The following COX10 variants were observed in gnomAD, a reference collection of about 807,000 sequenced individuals.
The protein encoded by COX10 is protoheme IX farnesyltransferase, mitochondrial.
A neutral mutation model predicts 37.3 loss-of-function variants in COX10; 27 were observed. That is an observed-to-expected ratio of 0.72 (90% CI 0.53 to 1.00). The LOEUF is 1.00. COX10 is among the 50% of genes least tolerant of loss of function. The probability of loss-of-function intolerance (pLI) is 0.00; values close to 1 mark genes in which losing one functional copy is unlikely to be tolerated. For synonymous variants in COX10, 222 were observed against 229.1 expected, an observed-to-expected ratio of 0.97 and a Z score of 0.28; for missense variants, 475 against 563.2, an observed-to-expected ratio of 0.84 and a Z score of 1.59.
In COX10 at chr17:14,077,333, T is replaced by G. The variant is rs2072278; in HGVS notation, c.499+277T>G. 0.071 allele frequency: 28,603 copies of G among 400,690 alleles called. 1,217 individuals carry two copies. Among genetic ancestry groups the G allele is most frequent in the East Asian group, 0.13 (2,342 of 18,460 alleles). The allele number at this position is 400,690 out of a possible 1,614,324, so 24.8% of individuals were successfully genotyped here. A position where few individuals can be genotyped will look rare whatever the true frequency, so the allele number is the denominator to read the frequency against. ...TGTTTATCCTGCTTATTTCCTTGTCTTTAGTGTTTTTACACCTGCTGTAAA... is the reference window on the plus strand; with the variant it reads ...TGTTTATCCTGCTTATTTCCTTGTCGTTAGTGTTTTTACACCTGCTGTAAA... On this transcript the variant is annotated intron_variant, in intron 3 of 6. Transcript: ENST00000261643.
chr17:14,139,333 A>G (rs1904474575), intron 4 of COX10, among the ~76,000 whole-genome samples: 1 of 152,128 alleles, frequency 6.6e-6, no homozygotes, highest in African/African-American at 2.4e-5. Flanking sequence ...AGGCTAACAC[A>G]TTAATTAACG....
At chr17:14,166,612 C>CT (rs71147845) in intron 5 of COX10, among the ~76,000 whole-genome samples, 6,837 of 96,546 alleles carry the variant, frequency 0.071, 370 homozygotes, top group Middle Eastern at 0.087. Flanking sequence ...TCAATTCGAC[C>CT]TTTTTTTTTT....
intron 4 of COX10, among the ~76,000 whole-genome samples, chr17:14,120,254 A>T (rs1255423248): frequency 1.3e-5 from 2 of 152,168 alleles, no homozygotes; most frequent in African/African-American, 2.4e-5. Context: ...AAGTGGATAG[A>T]TGGATATGTA....
chr17:14,204,619 C>T (rs1388131912), intron 6 of COX10, among the ~76,000 whole-genome samples: 2 of 152,048 alleles, frequency 1.3e-5, no homozygotes, highest in Non-Finnish European at 2.9e-5. Context: ...CTGATTGGTC[C>T]TTCCATACCT....
chr17:14,076,765 C>T lies in COX10; in HGVS notation c.208C>T (p.Gln70Ter). 6.2e-7 allele frequency: 1 copy of T among 1,614,148 alleles called. No homozygotes were observed. Among genetic ancestry groups the T allele is most frequent in the Non-Finnish European group, 8.5e-7 (1 of 1,180,024 alleles). The change falls in exon 3 of 7, where the codon CAG (glutamine) becomes TAG (stop). Residue 70 changes from glutamine to a stop codon, truncating the protein, a stop_gained. Transcript: ENST00000261643. LOFTEE classifies it high-confidence loss of function. ...YVTQLNRSHN[Q>*]QVRPKPEPVA... ...CACACAGCTGAACAGAAGCCACAAC[C>T]AGCAAGTAAGACCCAAGCCAGAACC...
intron 5 of COX10, among the ~76,000 whole-genome samples, chr17:14,181,819 G>C (rs1219664844): frequency 6.6e-6 from 1 of 152,086 alleles, no homozygotes; most frequent in Non-Finnish European, 1.5e-5. Flanking sequence ...TGGAAACTCT[G>C]ATTTTCATAG....
intron 4 of COX10, among the ~76,000 whole-genome samples, chr17:14,155,911 C>T (rs143534766): frequency 0.012 from 1,841 of 152,080 alleles, 13 homozygotes; most frequent in Middle Eastern, 0.044. Context: ...CTGTCAAAAT[C>T]ATCCTCCAAG....
chr17:14,091,463 G>A (rs575355588), intron 3 of COX10, among the ~76,000 whole-genome samples: 1 of 152,264 alleles, frequency 6.6e-6, no homozygotes, highest in East Asian at 1.9e-4. Flanking sequence ...AAGCTCTTTT[G>A]AATGCTTAGA....
chr17:14,097,407 A>G (rs9896677), intron 3 of COX10, among the ~76,000 whole-genome samples: 27,572 of 151,844 alleles, frequency 0.18, 2,562 homozygotes, highest in East Asian at 0.21. Context: ...ACCATTTACA[A>G]TTTGTACATT....
intron 4 of COX10, among the ~76,000 whole-genome samples, chr17:14,123,989 C>G (rs1916281612): frequency 6.6e-6 from 1 of 152,094 alleles, no homozygotes; most frequent in Admixed American, 6.6e-5. Flanking sequence ...ACTAGGCTTG[C>G]CTTTTGTTAC....
chr17:14,143,377 A>G (rs533656053), intron 4 of COX10, among the ~76,000 whole-genome samples: 1 of 152,314 alleles, frequency 6.6e-6, no homozygotes, highest in African/African-American at 2.4e-5. Flanking sequence ...TTTAAACATG[A>G]AGATTTTTAA....
At chr17:14,150,445 G>A (rs1347165292) in intron 4 of COX10, among the ~76,000 whole-genome samples, 1 of 152,214 alleles carries the variant, frequency 6.6e-6, no homozygotes, top group African/African-American at 2.4e-5. Flanking sequence ...TGTTTGAAAT[G>A]TTCACAGTCT....
Position 14,207,977 on chromosome 17 carries a change from C to A in COX10, c.*764C>A, listed in dbSNP as rs1906760720. 1 of 152,334 alleles carries A rather than the reference C, an allele frequency of 6.6e-6. No homozygotes were observed. Among genetic ancestry groups the A allele is most frequent in the Non-Finnish European group, 1.5e-5 (1 of 68,192 alleles). The allele number at this position is 152,334 out of a possible 1,614,324, so 9.4% of individuals were successfully genotyped here. A position where few individuals can be genotyped will look rare whatever the true frequency, so the allele number is the denominator to read the frequency against. ...AAAAGGGTAGCCCTGGACTTAATAC[C>A]AGCCGGATACCTCTGGCCCCCACCC... On this transcript the variant is annotated 3_prime_UTR_variant, in exon 7 of 7. Coordinates refer to ENST00000261643, the MANE Select transcript of COX10 (RefSeq NM_001303.4).
At chr17:14,182,077 A>C in intron 5 of COX10, 1 of 982,420 alleles carries the variant, frequency 1.0e-6, no homozygotes, top group Non-Finnish European at 1.2e-6. Flanking sequence ...AGCTTTCAGA[A>C]CTCATTCAGC....
chr17:14,180,353 A>G (rs1905820249), intron 5 of COX10, among the ~76,000 whole-genome samples: 1 of 152,224 alleles, frequency 6.6e-6, no homozygotes, highest in Admixed American at 6.5e-5. Context: ...TAGTGGTATT[A>G]ATGTAGAGAA....
intron 6 of COX10, among the ~76,000 whole-genome samples, chr17:14,206,041 CAT>C (rs1409173031): frequency 1.4e-4 from 21 of 152,288 alleles, no homozygotes; most frequent in African/African-American, 3.6e-4. Context: ...TTATTTAACA[CAT>C]GTGGTTTTGA....
intron 4 of COX10, among the ~76,000 whole-genome samples, chr17:14,122,891 C>T (rs372751883): frequency 3.9e-5 from 6 of 152,196 alleles, no homozygotes; most frequent in East Asian, 3.8e-4. Flanking sequence ...CCAGTGCTTG[C>T]CTTTGGAGGA....
At chr17:14,122,862 A>G (rs937936107) in intron 4 of COX10, among the ~76,000 whole-genome samples, 1 of 152,176 alleles carries the variant, frequency 6.6e-6, no homozygotes, top group African/African-American at 2.4e-5. Context: ...GTACCCAAAG[A>G]AACCAAGATA....
chr17:14,109,273 G>A (rs1402279068), intron 4 of COX10, among the ~76,000 whole-genome samples: 1 of 152,066 alleles, frequency 6.6e-6, no homozygotes, highest in African/African-American at 2.4e-5. Flanking sequence ...AACAATGACA[G>A]AAAGAAAATG....
Sources: allele counts gnomAD v4.1 joint callset (sites outside exome capture counted in the v4.1 genomes callset), GRCh38; gene constraint gnomAD v4.1.1; transcripts MANE v1.5; gene names NCBI Gene and HGNC (gene_info 2026-07-23, HGNC 2026-07-21).